SYNE1: variants seen among roughly 807,000 people sequenced by gnomAD.
SYNE1 encodes nesprin-1.
SYNE1 carries 616 observed loss-of-function variants against 1,111.0 expected under a neutral mutation model. The observed-to-expected ratio is 0.55, with a 90% CI of 0.52 to 0.59. The LOEUF (loss-of-function observed/expected upper bound fraction) is 0.59, where lower values mean the gene tolerates loss of function less well. Ranked by LOEUF, SYNE1 falls within the 20% of genes least tolerant of loss-of-function variation. The pLI is 0.00. For missense variants in SYNE1, 10,006 were observed against 10,417.0 expected (o/e 0.96, Z 1.72); for synonymous variants, 3,855 against 3,825.8 (o/e 1.01, Z -0.28).
intron 128 of SYNE1, among the ~76,000 whole-genome samples, chr6:152,184,437 C>A (rs1439490944): frequency 1.7e-3 from 179 of 104,598 alleles, no homozygotes; most frequent in African/African-American, 3.9e-3. Context: ...AACTCTGTTT[C>A]AAAAAAAAAA....
chr6:152,436,101 C>T lies in SYNE1; in HGVS notation c.4150G>A (p.Glu1384Lys). The change falls in exon 33 of 146, where the codon GAG becomes AAG. Residue 1384 changes from glutamate (E) to lysine (K), a missense_variant and splice_region_variant. This residue lies in a region of SYNE1 where 1,971 missense variants were observed against 2,084.1 expected (regional missense o/e 0.95). Coordinates refer to ENST00000367255, the MANE Select transcript of SYNE1 (RefSeq NM_182961.4). ...SLSSELEQTK[E>K]FSKRTESIAV... ...ATACTTTCTGTCCGTTTAGAAAACTCCTAGAAAAAATATTATGATCATTAG... is the reference window on the plus strand; with the variant it reads ...ATACTTTCTGTCCGTTTAGAAAACTTCTAGAAAAAATATTATGATCATTAG... 1 of 1,613,126 alleles carries T rather than the reference C, an allele frequency of 6.2e-7. No homozygotes were observed. Among genetic ancestry groups the T allele is most frequent in the Non-Finnish European group, 8.5e-7 (1 of 1,179,780 alleles).
intron 87 of SYNE1, among the ~76,000 whole-genome samples, chr6:152,311,786 TC>T (rs772327662): frequency 7.3e-5 from 11 of 151,552 alleles, no homozygotes; most frequent in African/African-American, 1.7e-4. Context: ...TTTATTTATT[TC>T]TTTTTTGAGA....
chr6:152,243,955 C>A (rs1266936965), intron 106 of SYNE1, among the ~76,000 whole-genome samples: 1 of 152,120 alleles, frequency 6.6e-6, no homozygotes, highest in Non-Finnish European at 1.5e-5. Flanking sequence ...GAAATTAACC[C>A]AAAGCATTAT....
chr6:152,619,118 GA>G (rs1426027406), intron 3 of SYNE1, among the ~76,000 whole-genome samples: 1 of 151,912 alleles, frequency 6.6e-6, no homozygotes, highest in Non-Finnish European at 1.5e-5. Context: ...ATATAAAAGA[GA>G]ATAATAATAA....
intron 72 of SYNE1, among the ~76,000 whole-genome samples, chr6:152,348,699 A>T (rs963070089): frequency 2.6e-5 from 4 of 151,566 alleles, no homozygotes; most frequent in Non-Finnish European, 5.9e-5. Context: ...AAAATAAAAT[A>T]AAATAAAAAT....
At chr6:152,297,140 C>T (rs1390501465) in intron 93 of SYNE1, among the ~76,000 whole-genome samples, 1 of 152,170 alleles carries the variant, frequency 6.6e-6, no homozygotes, top group African/African-American at 2.4e-5. Flanking sequence ...ATATCCCTCT[C>T]AGTCTCATTT....
At chr6:152,338,948 A>G (rs533644891) in intron 75 of SYNE1, among the ~76,000 whole-genome samples, 1 of 152,332 alleles carries the variant, frequency 6.6e-6, no homozygotes, top group Non-Finnish European at 1.5e-5. Flanking sequence ...GTGTGGCAAG[A>G]TAGGAAAATT....
At chr6:152,169,599 G>A (rs1391838695) in intron 130 of SYNE1, among the ~76,000 whole-genome samples, 8 of 114,228 alleles carry the variant, frequency 7.0e-5, no homozygotes, top group Non-Finnish European at 1.1e-4. Flanking sequence ...ACACCTGCCA[G>A]CCTGGGTTAC....
At chr6:152,133,174 C>A in intron 143 of SYNE1, 102 bp downstream of exon 143, 1 of 1,129,972 alleles carries the variant, frequency 8.8e-7, no homozygotes. Context: ...ACACTCCATT[C>A]TGACAAGTAC....
rs1345599028 is a variant in SYNE1 at position 152,391,530 on chromosome 6, A to G, written c.7751T>C (p.Leu2584Pro). The change falls in exon 52 of 146, where the codon CTG becomes CCG. Residue 2584 changes from leucine to proline, a missense_variant. Leu to Pro is a moderately conservative substitution (Grantham distance 98). Coordinates refer to ENST00000367255, the MANE Select transcript of SYNE1 (RefSeq NM_182961.4). ...LDKLSQRGQL[L>P]SEEGHGAGQE... ...CCCAGCACCGTGGCCTTCTTCACTC[A>G]GAAGCTGCCCTCTCTGGGAAAGCTT... 1.3e-6 allele frequency: 2 copies of G among 1,594,200 alleles called. No individual in the cohort carries two copies. Among genetic ancestry groups the G allele is most frequent in the African/African-American group, 2.7e-5 (2 of 73,568 alleles).
Position 152,269,286 on chromosome 6 carries a change from C to T in SYNE1, c.18574G>A (p.Gly6192Arg), listed in dbSNP as rs1478028409. The change falls in exon 99 of 146, where the codon GGA (glycine) becomes AGA (arginine). Residue 6192 changes from glycine (G) to arginine (R), a missense_variant and splice_region_variant. Transcript: ENST00000367255. ...ALHDKQLNMQ[G>R]TAQEKEESDV... ...CTCTCCTCCTTCTCCTGTGCTGTTCCCTGCTTTTAACGAGGCAGAAATCAA... is the reference window on the plus strand; with the variant it reads ...CTCTCCTCCTTCTCCTGTGCTGTTCTCTGCTTTTAACGAGGCAGAAATCAA... 2 of 1,613,988 alleles carry T rather than the reference C, an allele frequency of 1.2e-6. No individual in the cohort carries two copies. The highest frequency in any genetic ancestry group is 1.3e-5 in the African/African-American group (1 of 74,910).
At chr6:152,540,615 A>G (rs1164623982) in intron 3 of SYNE1, among the ~76,000 whole-genome samples, 1 of 152,210 alleles carries the variant, frequency 6.6e-6, no homozygotes, top group African/African-American at 2.4e-5. Flanking sequence ...AGAACCTGTG[A>G]TTTGTGTCTA....
rs183132514 is a variant in SYNE1, at chr6:152,545,240, G to A, written c.68-5219C>T. Among the ~76,000 whole-genome samples, 250 of 152,196 alleles carry A rather than the reference G, an allele frequency of 1.6e-3. 1 individual carries two copies. Among genetic ancestry groups the A allele is most frequent in the Non-Finnish European group, 2.7e-3 (183 of 68,004 alleles). On this transcript the variant is annotated intron_variant, in intron 3 of 145. Coordinates refer to ENST00000367255, the MANE Select transcript of SYNE1 (RefSeq NM_182961.4). ...TATCATAAAGAGCAAAATAGTAAAT[G>A]TCTAGAAGTATCCATCTGTAATTAA...
In SYNE1 at chr6:152,505,380, A is replaced by G. The variant is rs2099052111; in HGVS notation, c.599T>C (p.Val200Ala). ...YTAGKQTGIE[V>A]KDFGKSWRSG... Reference sequence around the variant, plus strand: ...TCTCCAACTCTTCCCAAAATCTTTTACTTCTATTCCAGTCTGCCTTTGTGT... The same window carrying G: ...TCTCCAACTCTTCCCAAAATCTTTTGCTTCTATTCCAGTCTGCCTTTGTGT... The change falls in exon 9 of 146, where the codon GTA becomes GCA. Residue 200 changes from valine (V) to alanine (A), a missense_variant. By Grantham distance (64) the Val-to-Ala change is moderately conservative (BLOSUM62 0). Coordinates refer to ENST00000367255, the MANE Select transcript of SYNE1 (RefSeq NM_182961.4). 1 of 1,613,874 alleles carries G rather than the reference A, an allele frequency of 6.2e-7. No individual in the cohort carries two copies. The highest frequency in any genetic ancestry group is 1.7e-5 in the Admixed American group (1 of 59,998).
In SYNE1 at chr6:152,353,685, A is replaced by G. The variant is rs755201105; in HGVS notation, c.10986T>C (p.Ala3662=). Residue 3662 remains alanine, a synonymous_variant, in exon 68 of 146, where the codon GCT becomes GCC. Transcript: ENST00000367255. ...CGTGGCTCTCGTCCAGTATCTCCTGAGCTCTAGCTCCCACTTCCTCAACTT... is the reference window on the plus strand; with the variant it reads ...CGTGGCTCTCGTCCAGTATCTCCTGGGCTCTAGCTCCCACTTCCTCAACTT... The part of the protein sequence containing the change: ...RDEVEEVGAR[A]QEILDESHVN... 5.0e-6 allele frequency: 8 copies of G among 1,614,116 alleles called. No individual in the cohort carries two copies. Among genetic ancestry groups the G allele is most frequent in the Non-Finnish European group, 5.9e-6 (7 of 1,180,020 alleles).
At chr6:152,147,742 C>G in intron 137 of SYNE1, 1 of 384,036 alleles carries the variant, frequency 2.6e-6, no homozygotes, top group South Asian at 2.2e-5. Context: ...ACACTTCATA[C>G]AGTGGTTTCT....
chr6:152,373,290 T>C (rs905227345), intron 58 of SYNE1, 71 bp from the exon 59 acceptor site: 2 of 1,439,820 alleles, frequency 1.4e-6, no homozygotes, highest in South Asian at 1.3e-5. Context: ...CTTTTCTTTT[T>C]TTTTTTTGAG....
chr6:152,325,759 A>T (rs1189075879), intron 80 of SYNE1, among the ~76,000 whole-genome samples, 199 bp downstream of exon 80: 1 of 152,234 alleles, frequency 6.6e-6, no homozygotes, highest in East Asian at 1.9e-4. Flanking sequence ...TGCTCTGAAC[A>T]TCTTAGCTAT....
intron 2 of SYNE1, among the ~76,000 whole-genome samples, chr6:152,634,696 T>C (rs1355817754): frequency 6.6e-6 from 1 of 152,190 alleles, no homozygotes. Context: ...AAAGACAAAG[T>C]GTATAGCAGA....
Sources: allele counts gnomAD v4.1 joint callset (sites outside exome capture counted in the v4.1 genomes callset), GRCh38; gene constraint gnomAD v4.1.1; regional missense constraint gnomAD v4.1.1; transcripts MANE v1.5; gene names NCBI Gene and HGNC (gene_info 2026-07-23, HGNC 2026-07-21).